Variants in RPS6 observed in about 807,000 individuals in gnomAD.
The protein encoded by RPS6 is small ribosomal subunit protein eS6.
Under a neutral mutation model 27.1 loss-of-function variants are expected in RPS6, and 1 was observed. The observed-to-expected ratio is 0.04, with a 90% confidence interval of 0.01 to 0.18. RPS6 has a LOEUF of 0.18. Among genes scored for constraint, RPS6 ranks in the 10% least tolerant of loss-of-function variants. The pLI is 1.00. For synonymous variants in RPS6, 152 were observed against 106.0 expected, an observed-to-expected ratio of 1.43 and a Z score of -2.66; for missense variants, 259 against 319.1, an observed-to-expected ratio of 0.81 and a Z score of 1.44.
intron 4 of RPS6, among the ~76,000 whole-genome samples, chr9:19,377,290 A>C (rs139562222): frequency 1.3e-5 from 2 of 152,152 alleles, no homozygotes; most frequent in Admixed American, 6.5e-5. Context: ...TACTATAGAC[A>C]TAAGAACCAT....
Position 19,379,530 on chromosome 9 carries a change from A to G in RPS6, c.95T>C (p.Met32Thr). 1.2e-6 allele frequency: 2 copies of G among 1,614,184 alleles called. No homozygotes were observed. The highest frequency in any genetic ancestry group is 1.7e-6 in the Non-Finnish European group (2 of 1,180,032). ...AGCGTCAGCAGCAACTTCTGTGGCC[A>G]TACGCTTCTCATAGAAAGTACGAAG... ...RKLRTFYEKR[M>T]ATEVAADALG... The change falls in exon 2 of 6, where the codon ATG becomes ACG. Residue 32 changes from methionine (M) to threonine (T), a missense_variant. Coordinates refer to ENST00000380394, the MANE Select transcript of RPS6 (RefSeq NM_001010.3).
intron 4 of RPS6, among the ~76,000 whole-genome samples, chr9:19,378,095 A>AC (rs1248566693): frequency 6.6e-6 from 1 of 152,140 alleles, no homozygotes; most frequent in Non-Finnish European, 1.5e-5. Flanking sequence ...GATAGCAATG[A>AC]CCTTAAAGTC....
In RPS6 at chr9:19,380,191, T is replaced by G. The variant is rs1287601493; in HGVS notation, c.5A>C (p.Lys2Thr). The change falls in exon 1 of 6, where the codon AAG becomes ACG. Residue 2 changes from lysine (K) to threonine (T), a missense_variant and splice_region_variant. Lys to Thr is a moderately conservative substitution (Grantham distance 78). This residue lies in a region of RPS6 where 65 missense variants were observed against 66.6 expected (regional missense o/e 0.98). Transcript: ENST00000380394. Reference protein sequence around the residue: MKLNISFPATGC... With the variant: MTLNISFPATGC... ...CTAACACTCGCCACCATCACCTACC[T>G]TCATCTTGAAGCAGCTGAACGCCTC... The G allele has an allele frequency of 6.2e-7, 1 of 1,613,288 alleles. No homozygotes were observed. The highest frequency in any genetic ancestry group is 1.1e-5 in the South Asian group (1 of 91,084).
At position 19,375,732 on chromosome 9, in the gene RPS6, AATGTTTTTAGTC is replaced by A. The variant is rs1347537695; in HGVS notation, c.*549_*560del. 6.6e-6 allele frequency: 1 copy of A among 152,296 alleles called. No individual in the cohort carries two copies. Among genetic ancestry groups the A allele is most frequent in the African/African-American group, 2.4e-5 (1 of 41,454 alleles). The allele number at this position is 152,296 out of a possible 1,614,324, so 9.4% of individuals were successfully genotyped here. ...TTTGTGCATTTTTCACTGATCCAAG[AATGTTTTTAGTC>A]ATTTCCTTTTCAGTGTGTGAACAGC... On this transcript the variant is annotated 3_prime_UTR_variant, in exon 6 of 6. Transcript: ENST00000380394.
intron 4 of RPS6, 145 bp downstream of exon 4, chr9:19,378,223 G>C (rs1829622100): frequency 1.4e-6 from 1 of 732,864 alleles, no homozygotes; most frequent in Non-Finnish European, 2.2e-6. Context: ...TGGGTATGCT[G>C]GCCACCCCCA....
In RPS6 at chr9:19,378,899, C is replaced by G; in HGVS notation, c.158G>C (p.Ser53Thr). Reference protein sequence around the residue: ...EEWKGYVVRISGGNDKQGFPM... With the variant: ...EEWKGYVVRITGGNDKQGFPM... ...GAAACCTTGTTTGTCGTTCCCACCA[C>G]TGATTCGGACCACATAACCCTGCAA... The change falls in exon 3 of 6, where the codon AGT (serine) becomes ACT (threonine). Residue 53 changes from serine to threonine, a missense_variant. By Grantham distance (58) the Ser-to-Thr change is moderately conservative. Transcript: ENST00000380394. The G allele has an allele frequency of 6.2e-7, 1 of 1,614,182 alleles. No individual in the cohort carries two copies.
intron 4 of RPS6, among the ~76,000 whole-genome samples, chr9:19,377,048 G>T (rs182563420): frequency 6.6e-6 from 1 of 152,188 alleles, no homozygotes; most frequent in Admixed American, 6.5e-5. Context: ...TATTTCCTTT[G>T]ACAATTCCTG....
intron 4 of RPS6, 117 bp from the exon 5 acceptor site, chr9:19,376,768 G>A: frequency 1.1e-6 from 1 of 951,432 alleles, no homozygotes; most frequent in African/African-American, 1.7e-5. Flanking sequence ...CTATAATGAG[G>A]CCTTTAAAAT....
intron 4 of RPS6, 50 bp downstream of exon 4, chr9:19,378,318 T>TA (rs772603116): frequency 1.9e-6 from 3 of 1,577,938 alleles, no homozygotes; most frequent in Admixed American, 1.7e-5. Flanking sequence ...CACAAAATGA[T>TA]AGACAAATTA....
intron 4 of RPS6, chr9:19,376,858 G>T: frequency 4.4e-6 from 2 of 449,908 alleles, no homozygotes; most frequent in South Asian, 4.4e-5. Flanking sequence ...AAAATATAAG[G>T]GAAACCAAGT....
chr9:19,376,949 CAT>C (rs1220769381), intron 4 of RPS6: 1 of 224,992 alleles, frequency 4.4e-6, no homozygotes, highest in Non-Finnish European at 8.7e-6. Context: ...TATAACTGTG[CAT>C]AGTTAATTTG....
chr9:19,376,291 T>C lies in RPS6; in HGVS notation c.*2A>G. On this transcript the variant is annotated 3_prime_UTR_variant, in exon 6 of 6. Coordinates refer to ENST00000380394, the MANE Select transcript of RPS6 (RefSeq NM_001010.3). ...TCTTATTTATTTGTTACTCAAAAAA[T>C]CTTATTTCTGACTGGATTCAGACTT... is the stretch of plus-strand genomic sequence containing the variant. The C allele has an allele frequency of 6.2e-7, 1 of 1,607,618 alleles. No individual in the cohort carries two copies. Among genetic ancestry groups the C allele is most frequent in the South Asian group, 1.1e-5 (1 of 90,234 alleles).
intron 2 of RPS6, chr9:19,379,124 T>C: frequency 1.3e-6 from 1 of 773,442 alleles, no homozygotes; most frequent in Non-Finnish European, 2.0e-6. Flanking sequence ...TCAAGTCGCA[T>C]TTCTAACCGA....
At chr9:19,378,262 T>C (rs1026979816) in intron 4 of RPS6, 106 bp downstream of exon 4, 7 of 1,094,834 alleles carry the variant, frequency 6.4e-6, no homozygotes, top group South Asian at 1.6e-5. Flanking sequence ...TCCAAGTGAA[T>C]AGTGCTAAGG....
chr9:19,379,442 TA>T (rs1324730073), intron 2 of RPS6, 44 bp downstream of exon 2: 18 of 1,611,786 alleles, frequency 1.1e-5, no homozygotes, highest in Non-Finnish European at 1.4e-5. Flanking sequence ...CAATGGCGTT[TA>T]CCGTCTCTGA....
chr9:19,380,114 A>T, intron 1 of RPS6, 76 bp downstream of exon 1: 1 of 1,614,074 alleles, frequency 6.2e-7, no homozygotes, highest in Non-Finnish European at 8.5e-7. Flanking sequence ...GGAGTGCTGG[A>T]ACTGAGGCAA....
chr9:19,377,291 TAAG>T (rs1829604427), intron 4 of RPS6, among the ~76,000 whole-genome samples: 1 of 151,956 alleles, frequency 6.6e-6, no homozygotes, highest in South Asian at 2.1e-4. Context: ...ACTATAGACA[TAAG>T]AACCATCTAA....
intron 2 of RPS6, 67 bp downstream of exon 2, chr9:19,379,420 A>G (rs1323853840): frequency 6.2e-7 from 1 of 1,600,160 alleles, no homozygotes; most frequent in Non-Finnish European, 8.5e-7. Context: ...CCCCATTCCA[A>G]ATACCAGTTA....
chr9:19,378,584 T>C lies in RPS6; in HGVS notation c.350-70A>G, dbSNP rs1395601430. 7 of 1,589,742 alleles carry C rather than the reference T, an allele frequency of 4.4e-6. No homozygotes were observed. The African/African-American group carries it at 5.4e-5, about 12-fold the overall frequency. ...AAGAATCCTAAATCAGAATGTTTAA[T>C]GTTGAATTGATGGTAGAGAAACAAA... is the stretch of plus-strand genomic sequence containing the variant. On this transcript the variant is annotated intron_variant, in intron 3 of 5. Coordinates refer to ENST00000380394, the MANE Select transcript of RPS6 (RefSeq NM_001010.3).
Sources: gnomAD v4.1 joint callset for allele counts (sites outside exome capture counted in the v4.1 genomes callset) on GRCh38, gnomAD v4.1.1 for gene constraint, gnomAD v4.1.1 regional missense constraint, MANE v1.5 for transcripts, NCBI Gene and HGNC (gene_info 2026-07-23, HGNC 2026-07-21) for gene names.